The following GPHN variants were observed in gnomAD, a reference collection of about 807,000 sequenced individuals.
GPHN encodes the protein gephyrin.
In GPHN, 17 loss-of-function variants were observed where a neutral mutation model predicts 95.5. The observed-to-expected ratio is 0.18, with a 90% CI of 0.12 to 0.27. GPHN has a LOEUF of 0.27. Among genes scored for constraint, GPHN ranks in the 10% least tolerant of loss-of-function variants. The pLI, the probability that GPHN is intolerant of heterozygous loss-of-function variation, is 1.00. For synonymous variants in GPHN, 320 were observed against 322.5 expected, an observed-to-expected ratio of 0.99 and a Z score of 0.08; for missense variants, 660 against 978.1, an observed-to-expected ratio of 0.67 and a Z score of 4.34.
Position 67,180,999 on chromosome 14 carries a change from A to G in GPHN, c.*62A>G. ...CATATCATTGACTGTATCCTGTAAT[A>G]TGCAACGGCACAGCTAGTTTTCCCG... is the stretch of plus-strand genomic sequence containing the variant. On this transcript the variant is annotated 3_prime_UTR_variant, in exon 23 of 23. Transcript: ENST00000478722. The G allele has an allele frequency of 1.3e-6, 2 of 1,516,100 alleles. No homozygotes were observed. Among genetic ancestry groups the G allele is most frequent in the South Asian group, 1.1e-5 (1 of 88,916 alleles). The allele number at this position is 1,516,100 out of a possible 1,614,324, so 93.9% of individuals were successfully genotyped here. A position where few individuals can be genotyped will look rare whatever the true frequency, so the allele number is the denominator to read the frequency against.
intron 18 of GPHN, among the ~76,000 whole-genome samples, chr14:67,152,211 G>A (rs191057217): frequency 3.9e-5 from 6 of 152,110 alleles, no homozygotes; most frequent in South Asian, 2.1e-4. Flanking sequence ...TTACCACTTC[G>A]TGTATAGCAT....
chr14:66,584,004 CT>C (rs1419775147), intron 1 of GPHN, among the ~76,000 whole-genome samples: 24 of 152,142 alleles, frequency 1.6e-4, no homozygotes, highest in African/African-American at 5.8e-4. Context: ...GATACTGATT[CT>C]TCCTACCCAT....
At chr14:67,192,723 T>A in the GPHN span, among the ~76,000 whole-genome samples, 2 of 150,948 alleles carry the variant, frequency 1.3e-5, no homozygotes, top group South Asian at 2.1e-4. Flanking sequence ...AAAAAAAAAA[T>A]TTAATGTTAT....
intron 11 of GPHN, among the ~76,000 whole-genome samples, chr14:67,084,296 A>G (rs985295416): frequency 9.2e-5 from 14 of 152,184 alleles, no homozygotes; most frequent in Non-Finnish European, 1.2e-4. Context: ...ACTTGAAGTC[A>G]TTAGTCTGCT....
At chr14:67,192,298 C>G in the GPHN span, among the ~76,000 whole-genome samples, 5 of 152,144 alleles carry the variant, frequency 3.3e-5, no homozygotes, top group African/African-American at 1.2e-4. Context: ...ATGGAGCTAG[C>G]TCTGTGTTTC....
At chr14:66,595,123 G>A (rs539474045) in intron 1 of GPHN, among the ~76,000 whole-genome samples, 1 of 152,232 alleles carries the variant, frequency 6.6e-6, no homozygotes, top group South Asian at 2.1e-4. Context: ...TGTTAGAGTG[G>A]CTACTTTAAA....
the GPHN span, chr14:67,579,512 G>A: frequency 1.5e-6 from 1 of 649,042 alleles, no homozygotes; most frequent in Non-Finnish European, 2.6e-6. Flanking sequence ...GGTAAAGGAG[G>A]GACCCAGGTA....
chr14:66,719,122 T>C (rs2070482835), intron 2 of GPHN, among the ~76,000 whole-genome samples: 2 of 152,308 alleles, frequency 1.3e-5, no homozygotes, highest in South Asian at 4.1e-4. Flanking sequence ...TGCACCAGGC[T>C]ACCTGCTTCC....
chr14:66,627,079 ATAT>A (rs1387066036), intron 1 of GPHN, among the ~76,000 whole-genome samples: 1 of 152,018 alleles, frequency 6.6e-6, no homozygotes, highest in Non-Finnish European at 1.5e-5. Context: ...AGATAGCAAT[ATAT>A]GACTCTTACC....
chr14:67,684,999 G>C, the GPHN span: 1 of 1,589,776 alleles, frequency 6.3e-7, no homozygotes, highest in Non-Finnish European at 8.6e-7. Flanking sequence ...TCTGCAAAAA[G>C]AGATAACATT....
intron 2 of GPHN, among the ~76,000 whole-genome samples, chr14:66,711,887 A>G (rs990370340): frequency 6.6e-6 from 1 of 152,104 alleles, no homozygotes; most frequent in Non-Finnish European, 1.5e-5. Flanking sequence ...GATGGCTTCC[A>G]GCTTCATCCA....
chr14:67,583,580 A>T, the GPHN span, among the ~76,000 whole-genome samples: 1 of 152,224 alleles, frequency 6.6e-6, no homozygotes, highest in East Asian at 1.9e-4. Flanking sequence ...TCTAGTGTCT[A>T]TAAAACTTGA....
At chr14:67,360,089 C>T in the GPHN span, 1 of 424,954 alleles carries the variant, frequency 2.4e-6, no homozygotes, top group Non-Finnish European at 4.2e-6. Context: ...ACAGCGCCAT[C>T]TCATGGTTAG....
At chr14:66,970,688 A>G (rs2069698241) in intron 9 of GPHN, among the ~76,000 whole-genome samples, 2 of 152,216 alleles carry the variant, frequency 1.3e-5, no homozygotes, top group African/African-American at 4.8e-5. Context: ...TATACTAGAC[A>G]TCAAGCTTCT....
chr14:66,872,920 T>C (rs2063501568), intron 4 of GPHN, among the ~76,000 whole-genome samples: 1 of 149,420 alleles, frequency 6.7e-6, no homozygotes. Context: ...TGCCCTATCC[T>C]AAAACTCCTA....
the GPHN span, chr14:67,340,223 G>C: frequency 2.5e-5 from 12 of 472,264 alleles, no homozygotes; most frequent in South Asian, 2.4e-4. Flanking sequence ...TCTCTGAAAG[G>C]CCTAAGTTTT....
At chr14:67,588,016 G>C in the GPHN span, 1 of 152,544 alleles carries the variant, frequency 6.6e-6, no homozygotes, top group African/African-American at 2.4e-5. Flanking sequence ...GACAGAGTTG[G>C]AGAAAAAAGA....
intron 10 of GPHN, among the ~76,000 whole-genome samples, chr14:67,027,919 T>C (rs533787089): frequency 6.6e-6 from 1 of 152,192 alleles, no homozygotes; most frequent in East Asian, 1.9e-4. Context: ...TTTTGAAATA[T>C]ACAATACATT....
At chr14:67,054,514 G>T (rs944704354) in intron 10 of GPHN, among the ~76,000 whole-genome samples, 2 of 152,130 alleles carry the variant, frequency 1.3e-5, no homozygotes, top group African/African-American at 4.8e-5. Flanking sequence ...TCATGAAAAT[G>T]GCCATACTGC....
Sources: gnomAD v4.1 joint callset for allele counts (sites outside exome capture counted in the v4.1 genomes callset) on GRCh38, gnomAD v4.1.1 for gene constraint, MANE v1.5 for transcripts, NCBI Gene and HGNC (gene_info 2026-07-23, HGNC 2026-07-21) for gene names.